INPP4B: variants seen among roughly 807,000 people sequenced by gnomAD.
The protein encoded by INPP4B is inositol polyphosphate-4-phosphatase type II B.
In INPP4B, 55 loss-of-function variants were observed where a neutral mutation model predicts 122.5. The ratio of observed to expected loss-of-function variants is 0.45; its 90% confidence interval spans 0.36 to 0.56. The LOEUF is 0.56. Among genes scored for constraint, INPP4B ranks in the 20% least tolerant of loss-of-function variants. The pLI, the probability that INPP4B is intolerant of heterozygous loss-of-function variation, is 0.00. For synonymous variants in INPP4B, 403 were observed against 388.7 expected (o/e 1.04, Z -0.43); for missense variants, 1,000 against 1,097.7 (o/e 0.91, Z 1.26).
At chr4:142,837,415 T>C (rs1172981543) in intron 1 of INPP4B, among the ~76,000 whole-genome samples, 1 of 152,178 alleles carries the variant, frequency 6.6e-6, no homozygotes, top group Non-Finnish European at 1.5e-5. Context: ...AAATCAATCT[T>C]GGTCCAAGAC....
intron 2 of INPP4B, among the ~76,000 whole-genome samples, chr4:142,607,544 A>T (rs1741527808): frequency 6.6e-6 from 1 of 152,110 alleles, no homozygotes; most frequent in Admixed American, 6.6e-5. Context: ...GAGAATATAT[A>T]TTGGATTTGG....
chr4:142,028,966 T>C (rs377285227), intron 25 of INPP4B, 52 bp from the exon 26 acceptor site: 35 of 1,570,690 alleles, frequency 2.2e-5, no homozygotes, highest in Admixed American at 2.1e-4. Flanking sequence ...TAAATAAATA[T>C]GCTTTATTTG....
intron 1 of INPP4B, among the ~76,000 whole-genome samples, chr4:142,761,771 C>T (rs1245827885): frequency 6.6e-6 from 1 of 152,274 alleles, no homozygotes; most frequent in East Asian, 1.9e-4. Context: ...TAAAAGGGAA[C>T]ATTGGGGCAG....
intron 2 of INPP4B, among the ~76,000 whole-genome samples, chr4:142,464,337 T>G (rs1187153847): frequency 6.6e-6 from 1 of 152,138 alleles, no homozygotes; most frequent in Non-Finnish European, 1.5e-5. Flanking sequence ...ACTCATTGGA[T>G]TAAAGTTGTT....
intron 15 of INPP4B, among the ~76,000 whole-genome samples, chr4:142,191,303 A>G (rs1360105941): frequency 1.3e-4 from 20 of 152,200 alleles, no homozygotes; most frequent in Admixed American, 1.3e-3. Context: ...AAGCACCAAC[A>G]AAAAACAGCA....
chr4:142,150,742 T>G (rs1396827436), intron 17 of INPP4B, among the ~76,000 whole-genome samples: 1 of 152,186 alleles, frequency 6.6e-6, no homozygotes, highest in Non-Finnish European at 1.5e-5. Flanking sequence ...ACATTACACC[T>G]GGCAGATGAG....
At chr4:142,787,206 A>G (rs1394180368) in intron 1 of INPP4B, among the ~76,000 whole-genome samples, 1 of 152,144 alleles carries the variant, frequency 6.6e-6, no homozygotes, top group African/African-American at 2.4e-5. Context: ...TAGGGTTTAA[A>G]TTTATCCTTC....
chr4:142,139,826 G>A (rs557939820), intron 18 of INPP4B, among the ~76,000 whole-genome samples: 76 of 152,264 alleles, frequency 5.0e-4, no homozygotes, highest in Middle Eastern at 6.8e-3. Flanking sequence ...ACAGCTGTGC[G>A]TTTGTCGGTT....
At chr4:142,791,800 G>A (rs2151066219) in intron 1 of INPP4B, among the ~76,000 whole-genome samples, 1 of 152,084 alleles carries the variant, frequency 6.6e-6, no homozygotes, top group Non-Finnish European at 1.5e-5. Flanking sequence ...CCCAGGCTCT[G>A]CTACTTACTC....
At chr4:142,513,168 A>G (rs1824956242) in intron 2 of INPP4B, among the ~76,000 whole-genome samples, 1 of 152,214 alleles carries the variant, frequency 6.6e-6, no homozygotes, top group African/African-American at 2.4e-5. Flanking sequence ...ACTGGACACT[A>G]TTCTAGATTC....
At chr4:142,192,961 A>G (rs1836634011) in intron 15 of INPP4B, 126 bp downstream of exon 15, 1 of 561,516 alleles carries the variant, frequency 1.8e-6, no homozygotes, top group South Asian at 2.9e-5. Context: ...TAACAACTCT[A>G]TGTTACTAAA....
chr4:142,125,168 T>C (rs1409369046), intron 18 of INPP4B, among the ~76,000 whole-genome samples: 3 of 152,082 alleles, frequency 2.0e-5, no homozygotes, highest in African/African-American at 7.2e-5. Context: ...TCCATCAATA[T>C]GCATCTTCTC....
chr4:142,029,092 A>G, intron 25 of INPP4B, 178 bp from the exon 26 acceptor site: 1 of 1,363,180 alleles, frequency 7.3e-7, no homozygotes, highest in Non-Finnish European at 9.4e-7. Context: ...GCCAGGCCCA[A>G]TACCATTATT....
intron 1 of INPP4B, among the ~76,000 whole-genome samples, chr4:142,776,856 G>A (rs1392854189): frequency 1.3e-5 from 2 of 152,122 alleles, no homozygotes; most frequent in African/African-American, 4.8e-5. Context: ...TTAAGCTCTA[G>A]GAAAGCTCTA....
chr4:142,254,466 G>A (rs1042404345), intron 11 of INPP4B, among the ~76,000 whole-genome samples: 4 of 151,968 alleles, frequency 2.6e-5, no homozygotes, highest in East Asian at 1.9e-4. Context: ...AAAAAATTTA[G>A]AAGAATGTAT....
At chr4:142,091,759 G>A (rs984767630) in intron 23 of INPP4B, among the ~76,000 whole-genome samples, 2 of 152,196 alleles carry the variant, frequency 1.3e-5, no homozygotes, top group Admixed American at 6.5e-5. Flanking sequence ...CTGAATCACA[G>A]GCAGGGTATT....
chr4:142,130,064 G>A (rs954226713), intron 18 of INPP4B, among the ~76,000 whole-genome samples: 2 of 152,208 alleles, frequency 1.3e-5, no homozygotes, highest in Non-Finnish European at 2.9e-5. Flanking sequence ...ACGAGTTTTA[G>A]AAGAGAGAGA....
At chr4:142,226,178 C>G (rs931747132) in intron 12 of INPP4B, among the ~76,000 whole-genome samples, 1 of 152,216 alleles carries the variant, frequency 6.6e-6, no homozygotes, top group Admixed American at 6.5e-5. Context: ...CTGCACTCAA[C>G]CCAAGCTTGA....
At chr4:142,067,437 A>T (rs548032321) in intron 25 of INPP4B, among the ~76,000 whole-genome samples, 2 of 152,238 alleles carry the variant, frequency 1.3e-5, no homozygotes, top group Non-Finnish European at 2.9e-5. Flanking sequence ...AAAGAAATGT[A>T]GCTCCTCACT....
Sources: gnomAD v4.1 joint callset for allele counts (sites outside exome capture counted in the v4.1 genomes callset) on GRCh38, gnomAD v4.1.1 for gene constraint, MANE v1.5 for transcripts, NCBI Gene and HGNC (gene_info 2026-07-23, HGNC 2026-07-21) for gene names.